GOLGB1: variants seen among roughly 807,000 people sequenced by gnomAD.
GOLGB1 encodes the protein golgin subfamily B member 1.
A neutral mutation model predicts 336.9 loss-of-function variants in GOLGB1; 174 were observed. That is an observed-to-expected ratio of 0.52 (90% confidence interval 0.46 to 0.59). GOLGB1 has a LOEUF of 0.59. Among genes scored for constraint, GOLGB1 ranks in the 20% least tolerant of loss-of-function variants. The pLI, the probability that GOLGB1 is intolerant of heterozygous loss-of-function variation, is 0.00. For missense variants in GOLGB1, 3,331 were observed against 3,645.3 expected (o/e 0.91, Z 2.22); for synonymous variants, 1,208 against 1,289.2 (o/e 0.94, Z 1.35).
At chr3:121,677,989 A>C (rs1236452806) in intron 15 of GOLGB1, among the ~76,000 whole-genome samples, 1 of 152,278 alleles carries the variant, frequency 6.6e-6, no homozygotes, top group Non-Finnish European at 1.5e-5. Flanking sequence ...TCCCTGAAGA[A>C]AAATGGAGGT....
chr3:121,676,697 TCACCAAGGG>T (rs1266427507), intron 17 of GOLGB1, among the ~76,000 whole-genome samples, 187 bp downstream of exon 17: 2 of 152,196 alleles, frequency 1.3e-5, no homozygotes, highest in East Asian at 3.8e-4. Flanking sequence ...TCCCAAGGAC[TCACCAAGGG>T]CAAAGGACAA....
At chr3:121,747,150 T>TTTTA (rs1491175790) in intron 1 of GOLGB1, among the ~76,000 whole-genome samples, 6 of 49,584 alleles carry the variant, frequency 1.2e-4, no homozygotes, top group African/African-American at 2.7e-4. Flanking sequence ...TACATGGATG[T>TTTTA]TATATATATA....
chr3:121,697,232 A>G lies in GOLGB1; in HGVS notation c.3291T>C (p.Ala1097=), dbSNP rs1471398276. Residue 1097 remains alanine, a synonymous_variant, in exon 13 of 22, where the codon GCT becomes GCC. Coordinates refer to ENST00000614479, the MANE Select transcript of GOLGB1 (RefSeq NM_001366282.2). ...AGGTCTGATTCATCTGTTTGACCAG[A>G]GCCTGGAATTGCTCTTCAGCTGCCA... is the stretch of plus-strand genomic sequence containing the variant. The part of the protein sequence containing the change: ...EKLAAEEQFQ[A]LVKQMNQTLQ... 3 of 1,613,992 alleles carry G rather than the reference A, an allele frequency of 1.9e-6. No homozygotes were observed. The highest frequency in any genetic ancestry group is 2.5e-6 in the Non-Finnish European group (3 of 1,180,000).
intron 1 of GOLGB1, among the ~76,000 whole-genome samples, chr3:121,742,135 C>A (rs1011462848): frequency 6.6e-6 from 1 of 152,072 alleles, no homozygotes; most frequent in African/African-American, 2.4e-5. Flanking sequence ...TCATATGGAA[C>A]CAAAAAAGAG....
chr3:121,709,808 G>A (rs940940444), intron 10 of GOLGB1, among the ~76,000 whole-genome samples: 9 of 151,928 alleles, frequency 5.9e-5, no homozygotes, highest in South Asian at 2.1e-4. Context: ...ATACTAAAGA[G>A]TAGAAATCAA....
chr3:121,726,864 T>C (rs765231793), intron 5 of GOLGB1, 49 bp downstream of exon 5: 6 of 1,416,182 alleles, frequency 4.2e-6, no homozygotes, highest in Middle Eastern at 1.8e-4. Context: ...AATCCATTGG[T>C]TTTAGTGATT....
intron 5 of GOLGB1, among the ~76,000 whole-genome samples, chr3:121,723,777 C>T (rs1945355857): frequency 6.6e-6 from 1 of 152,140 alleles, no homozygotes; most frequent in African/African-American, 2.4e-5. Context: ...TTGAACACAA[C>T]ACAAAAACAA....
chr3:121,723,185 A>G (rs1185164520), intron 5 of GOLGB1, among the ~76,000 whole-genome samples: 1 of 152,210 alleles, frequency 6.6e-6, no homozygotes, highest in Non-Finnish European at 1.5e-5. Flanking sequence ...TTTTAACATT[A>G]TTTAATTTTA....
chr3:121,674,542 A>G (rs1940053925), intron 17 of GOLGB1, among the ~76,000 whole-genome samples: 1 of 152,254 alleles, frequency 6.6e-6, no homozygotes, highest in Non-Finnish European at 1.5e-5. Context: ...TGCAGAAATT[A>G]CCAATATGAA....
chr3:121,746,453 CTTTATTTA>C (rs10530584), intron 1 of GOLGB1, among the ~76,000 whole-genome samples: 50,943 of 150,838 alleles, frequency 0.34, 9,251 homozygotes, highest in Non-Finnish European at 0.42. Context: ...ATTTAACTCA[CTTTATTTA>C]TTTATTTATT....
chr3:121,714,907 G>A lies in GOLGB1; in HGVS notation c.1358C>T (p.Thr453Ile). 1 of 1,612,816 alleles carries A rather than the reference G, an allele frequency of 6.2e-7. No homozygotes were observed. The highest frequency in any genetic ancestry group is 2.2e-5 in the East Asian group (1 of 44,788). ...ATCTGGGAAAGAAGTCTGAGATGCT[G>A]TTTCATGTTGTTGCAAGGGCAGTCT... Reference protein sequence around the residue: ...LNRLPLQQHETASQTSFPDVY... With the variant: ...LNRLPLQQHEIASQTSFPDVY... Residue 453 changes from threonine (T) to isoleucine (I), a missense_variant, in exon 10 of 22, where the codon ACA becomes ATA. Coordinates refer to ENST00000614479, the MANE Select transcript of GOLGB1 (RefSeq NM_001366282.2).
At chr3:121,690,520 G>A in intron 14 of GOLGB1, 150 bp downstream of exon 14, 1 of 432,136 alleles carries the variant, frequency 2.3e-6, no homozygotes, top group Non-Finnish European at 4.0e-6. Flanking sequence ...GCTTCTCTAA[G>A]ACCAAACAGA....
intron 20 of GOLGB1, 106 bp from the exon 21 acceptor site, chr3:121,665,137 C>T: frequency 1.5e-6 from 1 of 673,914 alleles, no homozygotes; most frequent in Non-Finnish European, 2.6e-6. Flanking sequence ...CAGGAGGAGA[C>T]TTGCAGCAAA....
chr3:121,730,993 G>A lies in GOLGB1; in HGVS notation c.-2-20C>T. 6.2e-7 allele frequency: 1 copy of A among 1,602,996 alleles called. No individual in the cohort carries two copies. The highest frequency in any genetic ancestry group is 8.5e-7 in the Non-Finnish European group (1 of 1,176,542). ...GCATTTCTGTAGGAAAAGAAGGGGGGAAAAAACCTAAGAATCAGCAAAATG... is the reference window on the plus strand; with the variant it reads ...GCATTTCTGTAGGAAAAGAAGGGGGAAAAAAACCTAAGAATCAGCAAAATG... On this transcript the variant is annotated intron_variant, in intron 1 of 21. Coordinates refer to ENST00000614479, the MANE Select transcript of GOLGB1 (RefSeq NM_001366282.2).
chr3:121,699,951 T>C lies in GOLGB1; in HGVS notation c.1520-66A>G, dbSNP rs1251595418. On this transcript the variant is annotated intron_variant, in intron 11 of 21. Transcript: ENST00000614479. ...GAGTGTGTGAAAAAACAGGATTGCA[T>C]GTGAAGCTATTTGAATTGTATGAAA... 4 of 888,406 alleles carry C rather than the reference T, an allele frequency of 4.5e-6. No homozygotes were observed. In the Admixed American group the frequency reaches 9.4e-5, roughly 21 times the overall value. The allele number at this position is 888,406 out of a possible 1,614,324, so 55.0% of individuals were successfully genotyped here.
At chr3:121,748,411 G>A (rs1947517670) in intron 1 of GOLGB1, among the ~76,000 whole-genome samples, 1 of 152,190 alleles carries the variant, frequency 6.6e-6, no homozygotes, top group Admixed American at 6.5e-5. Flanking sequence ...AAAAGGTTTG[G>A]AAGCTGCTGA....
chr3:121,669,710 T>C (rs1939220000), intron 17 of GOLGB1, among the ~76,000 whole-genome samples: 1 of 152,164 alleles, frequency 6.6e-6, no homozygotes, highest in Admixed American at 6.5e-5. Flanking sequence ...AGGGTCAAAG[T>C]TCATGGTACT....
chr3:121,727,643 G>C (rs1945777707), intron 4 of GOLGB1, among the ~76,000 whole-genome samples: 1 of 152,012 alleles, frequency 6.6e-6, no homozygotes, highest in Non-Finnish European at 1.5e-5. Flanking sequence ...AAAAGAGCCA[G>C]TGAGGGGAAA....
intron 19 of GOLGB1, 147 bp from the exon 20 acceptor site, chr3:121,667,757 G>A: frequency 1.5e-6 from 1 of 680,242 alleles, no homozygotes; most frequent in Non-Finnish European, 2.4e-6. Flanking sequence ...AAGCTGTAGA[G>A]GGATTAAATG....
Sources: allele counts gnomAD v4.1 joint callset (sites outside exome capture counted in the v4.1 genomes callset), GRCh38; gene constraint gnomAD v4.1.1; transcripts MANE v1.5; gene names NCBI Gene and HGNC (gene_info 2026-07-23, HGNC 2026-07-21).